Variants in SH3KBP1 observed in about 807,000 individuals in gnomAD.
SH3KBP1 encodes the protein SH3 domain containing kinase binding protein 1, also known as SH3 domain-containing kinase-binding protein 1.
SH3KBP1 carries 8 observed loss-of-function variants against 50.1 expected under a neutral mutation model. The ratio of observed to expected loss-of-function variants is 0.16; its 90% CI spans 0.09 to 0.29. SH3KBP1 has a LOEUF of 0.29. Among genes scored for constraint, SH3KBP1 ranks in the 10% least tolerant of loss-of-function variants. The pLI is 1.00. For missense variants in SH3KBP1, 377 were observed against 535.2 expected (o/e 0.70, Z 2.92); for synonymous variants, 227 against 218.6 (o/e 1.04, Z -0.34).
intron 1 of SH3KBP1, among the ~76,000 whole-genome samples, chrX:19,838,725 A>G (rs886165161): frequency 3.6e-5 from 4 of 109,911 alleles, no homozygotes; most frequent in African/African-American, 1.3e-4. Flanking sequence ...TGTCTCTACT[A>G]AAAATACAAA....
chrX:19,737,783 A>C (rs924746128), intron 3 of SH3KBP1, among the ~76,000 whole-genome samples: 1 of 112,139 alleles, frequency 8.9e-6, no homozygotes, highest in Non-Finnish European at 1.9e-5. Flanking sequence ...CATGTGTCTA[A>C]GCCTCATTCT....
intron 15 of SH3KBP1, among the ~76,000 whole-genome samples, chrX:19,544,030 C>T (rs1484917011): frequency 9.0e-6 from 1 of 110,870 alleles, no homozygotes; most frequent in East Asian, 2.9e-4. Context: ...AGCAGGTACC[C>T]AGCAGGCTAC....
At chrX:19,634,651 A>G (rs1265593900) in intron 7 of SH3KBP1, among the ~76,000 whole-genome samples, 1 of 111,378 alleles carries the variant, frequency 9.0e-6, no homozygotes, top group Non-Finnish European at 1.9e-5. Flanking sequence ...GGAGGAGGAG[A>G]GGACGGTGGG....
At position 19,887,426 on chromosome X, in the gene SH3KBP1, C is replaced by T. The variant is rs1165719759; in HGVS notation, c.-116G>A. ...TCCAGGCGCGAGGGTCCGGACGCGG[C>T]GGCGGCTGGGCCGGCTTCTTCCTCA... is the stretch of plus-strand genomic sequence containing the variant. On this transcript the variant is annotated 5_prime_UTR_variant, in exon 1 of 18. Coordinates refer to ENST00000397821, the MANE Select transcript of SH3KBP1 (RefSeq NM_031892.3). 6 of 625,276 alleles carry T rather than the reference C, an allele frequency of 9.6e-6. No individual in the cohort carries two copies. In the Admixed American group the frequency reaches 3.9e-4, roughly 40 times the overall value. 51.5% of individuals were successfully genotyped at this position (625,276 alleles called of 1,213,427 possible).
At chrX:19,872,843 A>T (rs980631004) in intron 1 of SH3KBP1, among the ~76,000 whole-genome samples, 78 of 108,563 alleles carry the variant, frequency 7.2e-4, no homozygotes, top group African/African-American at 2.6e-3. Flanking sequence ...TCACACACAC[A>T]CACACACACA....
intron 1 of SH3KBP1, among the ~76,000 whole-genome samples, chrX:19,875,978 G>A (rs749101015): frequency 8.0e-5 from 9 of 112,072 alleles, no homozygotes; most frequent in African/African-American, 2.3e-4. Flanking sequence ...TCAGGTTAGC[G>A]GGCCCTGCTT....
intron 6 of SH3KBP1, among the ~76,000 whole-genome samples, chrX:19,669,890 A>G (rs1459059693): frequency 9.8e-6 from 1 of 102,506 alleles, no homozygotes; most frequent in Non-Finnish European, 2.0e-5. Context: ...TGGCCACGCT[A>G]TTTTTTTTTT....
intron 2 of SH3KBP1, among the ~76,000 whole-genome samples, chrX:19,768,736 AC>A (rs1441646785): frequency 9.2e-6 from 1 of 108,869 alleles, no homozygotes; most frequent in Non-Finnish European, 1.9e-5. Flanking sequence ...TCCAAGACTG[AC>A]CCCCAAGTTT....
intron 15 of SH3KBP1, 35 bp from the exon 16 acceptor site, chrX:19,542,228 G>A (rs766450090): frequency 1.3e-4 from 146 of 1,130,530 alleles, no homozygotes; most frequent in Non-Finnish European, 1.6e-4. Flanking sequence ...GTTCAGGGCC[G>A]GGGATTTGTG....
At chrX:19,716,769 T>C (rs1407133207) in intron 3 of SH3KBP1, among the ~76,000 whole-genome samples, 1 of 111,276 alleles carries the variant, frequency 9.0e-6, no homozygotes, top group East Asian at 2.8e-4. Flanking sequence ...GGCCCCATCT[T>C]TATGATGAGC....
intron 2 of SH3KBP1, among the ~76,000 whole-genome samples, chrX:19,752,255 G>C (rs1001067709): frequency 3.6e-5 from 4 of 111,540 alleles, no homozygotes; most frequent in African/African-American, 1.3e-4. Context: ...GTGACCTTGG[G>C]GGCAACACTT....
At chrX:19,711,561 C>G (rs1047396959) in intron 3 of SH3KBP1, among the ~76,000 whole-genome samples, 2 of 110,725 alleles carry the variant, frequency 1.8e-5, no homozygotes, top group African/African-American at 6.6e-5. Flanking sequence ...CAACTGAAAA[C>G]TTCCAACACT....
At chrX:19,726,019 T>C (rs1360362475) in intron 3 of SH3KBP1, among the ~76,000 whole-genome samples, 2 of 111,336 alleles carry the variant, frequency 1.8e-5, no homozygotes, top group Non-Finnish European at 3.8e-5. Flanking sequence ...AGCCTAGAGG[T>C]TGGGCTTAGG....
rs200405234 is a variant in SH3KBP1 at position 19,862,794 on chromosome X, T to C, written c.4+24513A>G. On this transcript the variant is annotated intron_variant, in intron 1 of 17. Coordinates refer to ENST00000397821, the MANE Select transcript of SH3KBP1 (RefSeq NM_031892.3). ...TATCCTAAAAGAGGTCAGCTCACAA[T>C]TGAAGTATCCAAATGAAAAACAAGC... Among the ~76,000 whole-genome samples, 6 of 112,272 alleles carry C rather than the reference T, an allele frequency of 5.3e-5. No homozygotes were observed. The East Asian group carries it at 1.4e-3, about 26-fold the overall frequency.
rs180923240 is a variant in SH3KBP1 at position 19,613,995 on chromosome X, G to A, written c.898-5950C>T. 3.0e-4 allele frequency among the ~76,000 whole-genome samples: 34 copies of A among 113,026 alleles called. No individual in the cohort carries two copies. The East Asian group carries it at 5.8e-3, about 19-fold the overall frequency. ...TATATGGCCTGGTCCGAATCCCTGA[G>A]GGACAATGTGACCAGGAGAGCTGCT... is the stretch of plus-strand genomic sequence containing the variant. On this transcript the variant is annotated intron_variant, in intron 8 of 17. Coordinates refer to ENST00000397821, the MANE Select transcript of SH3KBP1 (RefSeq NM_031892.3).
chrX:19,700,330 AT>A (rs2063511783), intron 4 of SH3KBP1, among the ~76,000 whole-genome samples: 1 of 112,608 alleles, frequency 8.9e-6, no homozygotes, highest in Non-Finnish European at 1.9e-5. Context: ...CGCTAAAAAA[AT>A]GTTAAGACAG....
At chrX:19,653,547 C>T (rs1003185578) in intron 6 of SH3KBP1, among the ~76,000 whole-genome samples, 1 of 109,433 alleles carries the variant, frequency 9.1e-6, no homozygotes, top group African/African-American at 3.3e-5. Context: ...CCCGTCTCTA[C>T]TAAAAATACA....
intron 2 of SH3KBP1, among the ~76,000 whole-genome samples, chrX:19,792,172 C>G (rs1052878677): frequency 8.9e-5 from 10 of 111,883 alleles, no homozygotes; most frequent in African/African-American, 3.2e-4. Flanking sequence ...AGCCATACAA[C>G]AAAATACTAC....
At chrX:19,776,532 G>GTTTTTGTTTTTTTTTTTT (rs1175802634) in intron 2 of SH3KBP1, among the ~76,000 whole-genome samples, 2 of 25,681 alleles carry the variant, frequency 7.8e-5, no homozygotes, top group African/African-American at 1.7e-4. Context: ...TGACAACCTG[G>GTTTTTGTTTTTTTTTTTT]TTTTTTTTTT....
Sources: allele counts gnomAD v4.1 joint callset (sites outside exome capture counted in the v4.1 genomes callset), GRCh38; gene constraint gnomAD v4.1.1; transcripts MANE v1.5; gene names NCBI Gene and HGNC (gene_info 2026-07-23, HGNC 2026-07-21).